CALCR: variants seen among roughly 807,000 people sequenced by gnomAD.
The protein encoded by CALCR is calcitonin receptor.
Under a neutral mutation model 59.5 loss-of-function variants are expected in CALCR, and 47 were observed. The ratio of observed to expected loss-of-function variants is 0.79; its 90% CI spans 0.63 to 1.01. The LOEUF is 1.01. CALCR is among the 50% of genes least tolerant of loss of function. The pLI, the probability that CALCR is intolerant of heterozygous loss-of-function variation, is 0.00. For synonymous variants in CALCR, 213 were observed against 211.3 expected (o/e 1.01, Z -0.07); for missense variants, 566 against 597.1 (o/e 0.95, Z 0.54).
At chr7:93,484,052 A>T (rs774318907) in intron 3 of CALCR, 1 of 493,834 alleles carries the variant, frequency 2.0e-6, no homozygotes, top group Non-Finnish European at 4.3e-6. Flanking sequence ...AAACATCATC[A>T]GTTTTTTTCA....
intron 13 of CALCR, among the ~76,000 whole-genome samples, chr7:93,429,927 TTTGTTTG>T (rs1799616629): frequency 3.4e-5 from 1 of 29,696 alleles, no homozygotes; most frequent in Non-Finnish European, 8.0e-5. Context: ...TTTTTTTTTG[TTTGTTTG>T]TTTTTTTGTT....
chr7:93,529,323 A>T (rs1157785979), intron 2 of CALCR, among the ~76,000 whole-genome samples: 3 of 152,132 alleles, frequency 2.0e-5, no homozygotes, highest in African/African-American at 7.2e-5. Flanking sequence ...CGTGTAAGAT[A>T]CCTGCACCCC....
chr7:93,486,855 T>C lies in CALCR; in HGVS notation c.51+76A>G, dbSNP rs1017082350. The C allele has an allele frequency of 7.6e-6, 7 of 926,752 alleles. No individual in the cohort carries two copies. In the Admixed American group the frequency reaches 9.8e-5, roughly 13 times the overall value. The allele number at this position is 926,752 out of a possible 1,614,324, so 57.4% of individuals were successfully genotyped here. On this transcript the variant is annotated intron_variant, in intron 3 of 13. Transcript: ENST00000426151. ...AATGCCTACCCTTGCAAATACTAAT[T>C]AAATCACACTCAAAACATTCCTCCT... is the stretch of plus-strand genomic sequence containing the variant.
Position 93,466,595 on chromosome 7 carries a change from C to A in CALCR, c.521+2120G>T, listed in dbSNP as rs139796892. ...CTCTTGTTGTGTCTGCTCTGAAGAA[C>A]CAGCTATTTCAGTTCATTTCTTCTC... On this transcript the variant is annotated intron_variant, in intron 7 of 13. Transcript: ENST00000426151. Among the ~76,000 whole-genome samples the A allele has an allele frequency of 3.5e-3, 528 of 151,824 alleles. 3 individuals carry two copies. Among genetic ancestry groups the A allele is most frequent in the African/African-American group, 0.012 (496 of 41,472 alleles).
intron 2 of CALCR, among the ~76,000 whole-genome samples, chr7:93,527,557 A>C (rs946174506): frequency 5.3e-5 from 8 of 152,098 alleles, no homozygotes; most frequent in Non-Finnish European, 1.2e-4. Context: ...TTTAAATTTC[A>C]GTTTGCTTTA....
At chr7:93,532,657 A>T (rs1248826010) in intron 2 of CALCR, among the ~76,000 whole-genome samples, 1 of 151,826 alleles carries the variant, frequency 6.6e-6, no homozygotes, top group African/African-American at 2.4e-5. Flanking sequence ...AAATTAGAAG[A>T]GACTTACTAA....
At chr7:93,550,347 C>T (rs1478606309) in intron 2 of CALCR, among the ~76,000 whole-genome samples, 2 of 151,376 alleles carry the variant, frequency 1.3e-5, no homozygotes, top group Admixed American at 1.3e-4. Context: ...AAAAATTAGC[C>T]GGGCCTGGTG....
intron 8 of CALCR, among the ~76,000 whole-genome samples, chr7:93,460,564 A>ATATATATATAT (rs1562982351): frequency 1.2e-5 from 1 of 85,388 alleles, no homozygotes; most frequent in African/African-American, 9.5e-5. Context: ...TAAAAAAAAA[A>ATATATATATAT]AAAAAAAAAT....
chr7:93,561,011 T>G (rs542065143), intron 2 of CALCR, among the ~76,000 whole-genome samples: 1 of 152,302 alleles, frequency 6.6e-6, no homozygotes, highest in South Asian at 2.1e-4. Context: ...TTTCCTACAT[T>G]ATTTACAATC....
At chr7:93,460,599 A>ATATATATATATATATATGTG (rs1562982597) in intron 8 of CALCR, among the ~76,000 whole-genome samples, 8 of 136,108 alleles carry the variant, frequency 5.9e-5, no homozygotes, top group African/African-American at 2.3e-4. Flanking sequence ...ATATGTATAT[A>ATATATATATATATATATGTG]TATATATATA....
chr7:93,483,017 T>C (rs1013996134), intron 3 of CALCR, among the ~76,000 whole-genome samples: 1 of 151,796 alleles, frequency 6.6e-6, no homozygotes, highest in South Asian at 2.1e-4. Flanking sequence ...CGTTTATACA[T>C]ACAGTCATCC....
rs17165449 is a variant in CALCR at position 93,441,638 on chromosome 7, C to T, written c.802+1966G>A. ...AGGAAAGAGCAGGAGAACCTGTTAC[C>T]TGATGTGGAACCAGCAGGATAGTGA... On this transcript the variant is annotated intron_variant, in intron 9 of 13. Coordinates refer to ENST00000426151, the MANE Select transcript of CALCR (RefSeq NM_001742.4). The T allele has an allele frequency of 7.1e-3, 3,012 of 424,692 alleles. 79 individuals carry two copies. Among genetic ancestry groups the T allele is most frequent in the African/African-American group, 0.057 (2,766 of 48,184 alleles). 26.3% of individuals were successfully genotyped at this position (424,692 alleles called of 1,614,324 possible).
chr7:93,430,785 C>T (rs1341181876), intron 13 of CALCR, among the ~76,000 whole-genome samples: 1 of 152,166 alleles, frequency 6.6e-6, no homozygotes, highest in Non-Finnish European at 1.5e-5. Flanking sequence ...TAGGAAACTG[C>T]TGCTGGGGCC....
At chr7:93,544,710 G>A (rs1418619184) in intron 2 of CALCR, among the ~76,000 whole-genome samples, 1 of 152,052 alleles carries the variant, frequency 6.6e-6, no homozygotes, top group Non-Finnish European at 1.5e-5. Context: ...TTGGAAGTTG[G>A]AATGGGACTT....
chr7:93,556,038 C>A (rs1563019501), intron 2 of CALCR, among the ~76,000 whole-genome samples: 1 of 152,158 alleles, frequency 6.6e-6, no homozygotes, highest in Non-Finnish European at 1.5e-5. Flanking sequence ...AATACTGCAT[C>A]CTGCAAAGAG....
At chr7:93,544,587 T>TC (rs916648909) in intron 2 of CALCR, among the ~76,000 whole-genome samples, 1 of 152,180 alleles carries the variant, frequency 6.6e-6, no homozygotes, top group African/African-American at 2.4e-5. Flanking sequence ...AGGTTTTTTT[T>TC]CACACATAAA....
chr7:93,441,724 A>T (rs1342918076), intron 9 of CALCR, among the ~76,000 whole-genome samples: 1 of 152,104 alleles, frequency 6.6e-6, no homozygotes, highest in Non-Finnish European at 1.5e-5. Context: ...TGCTCTCCTT[A>T]TAAGGGAGCA....
chr7:93,516,802 A>T (rs978757114), intron 2 of CALCR, among the ~76,000 whole-genome samples: 4 of 151,922 alleles, frequency 2.6e-5, no homozygotes, highest in Admixed American at 2.6e-4. Flanking sequence ...GGAGTGTCAG[A>T]AGTCCTCCAT....
intron 2 of CALCR, among the ~76,000 whole-genome samples, chr7:93,509,101 GTGGTGCCATATTGGCTCAGGTAAAAGCA>G (rs1374520752): frequency 9.2e-5 from 14 of 152,158 alleles, no homozygotes; most frequent in Non-Finnish European, 1.8e-4. Flanking sequence ...GCAAGACACT[GTGGTGCCATATTGGCTCAGGTAAAAGCA>G]TGGTGCCATA....
Sources: allele counts gnomAD v4.1 joint callset (sites outside exome capture counted in the v4.1 genomes callset), GRCh38; gene constraint gnomAD v4.1.1; transcripts MANE v1.5; gene names NCBI Gene and HGNC (gene_info 2026-07-23, HGNC 2026-07-21).